The following ANAPC10 variants were observed in gnomAD, a reference collection of about 807,000 sequenced individuals.
The protein encoded by ANAPC10 is anaphase promoting complex subunit 10, also known as anaphase-promoting complex subunit 10.
Under a neutral mutation model 22.0 loss-of-function variants are expected in ANAPC10, and 12 were observed. That is an observed-to-expected ratio of 0.55 (90% CI 0.35 to 0.88). The LOEUF (loss-of-function observed/expected upper bound fraction) is 0.88. Among genes scored for constraint, ANAPC10 ranks in the 40% least tolerant of loss-of-function variants. ANAPC10 has a pLI of 0.01. For missense variants in ANAPC10, 188 were observed against 220.9 expected (o/e 0.85, Z 0.94); for synonymous variants, 65 against 69.5 (o/e 0.94, Z 0.32).
At chr4:145,010,436 G>A (rs1361330550) in intron 4 of ANAPC10, among the ~76,000 whole-genome samples, 1 of 152,052 alleles carries the variant, frequency 6.6e-6, no homozygotes, top group African/African-American at 2.4e-5. Flanking sequence ...ATGACCATCG[G>A]TGATAGACTG....
chr4:145,048,326 G>C (rs970409863), intron 4 of ANAPC10, among the ~76,000 whole-genome samples: 17 of 152,064 alleles, frequency 1.1e-4, no homozygotes, highest in Admixed American at 3.9e-4. Context: ...AAAGAAATAT[G>C]CCATAATATG....
At chr4:145,085,867 T>C (rs1746814168) in intron 2 of ANAPC10, among the ~76,000 whole-genome samples, 1 of 141,106 alleles carries the variant, frequency 7.1e-6, no homozygotes, top group Non-Finnish European at 1.6e-5. Flanking sequence ...ATTTTTTTTC[T>C]TTTTTTTTTT....
At chr4:145,053,684 A>G in intron 4 of ANAPC10, 3 of 587,854 alleles carry the variant, frequency 5.1e-6, no homozygotes, top group South Asian at 4.2e-5. Flanking sequence ...AAAAGTATGC[A>G]TTGTCTTTTA....
intron 4 of ANAPC10, among the ~76,000 whole-genome samples, chr4:145,044,470 C>T (rs940221551): frequency 6.6e-6 from 1 of 152,050 alleles, no homozygotes; most frequent in African/African-American, 2.4e-5. Context: ...GCATTTCCTT[C>T]CCCCCAACTC....
chr4:145,063,253 T>C (rs1743176470), intron 4 of ANAPC10, among the ~76,000 whole-genome samples: 1 of 152,112 alleles, frequency 6.6e-6, no homozygotes. Flanking sequence ...TTTCAAAACA[T>C]CATACTGTAC....
intron 4 of ANAPC10, among the ~76,000 whole-genome samples, chr4:145,032,843 A>G (rs1737831110): frequency 6.6e-6 from 1 of 152,222 alleles, no homozygotes; most frequent in African/African-American, 2.4e-5. Context: ...GAAACGGCAG[A>G]GGTTTGTCTT....
At chr4:144,998,527 T>C (rs1189749912) in intron 4 of ANAPC10, among the ~76,000 whole-genome samples, 1 of 152,070 alleles carries the variant, frequency 6.6e-6, no homozygotes, top group Non-Finnish European at 1.5e-5. Context: ...ACTGGGTACA[T>C]AACAAAATGA....
intron 4 of ANAPC10, among the ~76,000 whole-genome samples, chr4:145,003,924 T>C (rs1466048143): frequency 6.6e-6 from 1 of 152,210 alleles, no homozygotes; most frequent in African/African-American, 2.4e-5. Context: ...TGTAAATAGC[T>C]TTGGGCAGTA....
At chr4:145,072,007 A>C (rs971270670) in intron 3 of ANAPC10, among the ~76,000 whole-genome samples, 2 of 151,904 alleles carry the variant, frequency 1.3e-5, no homozygotes, top group Admixed American at 6.6e-5. Context: ...GACAAAAAAA[A>C]CACAAAAAAA....
At chr4:144,998,875 C>T (rs200209460) in intron 4 of ANAPC10, among the ~76,000 whole-genome samples, 2 of 151,854 alleles carry the variant, frequency 1.3e-5, no homozygotes, top group East Asian at 1.9e-4. Context: ...GCTAGCAACA[C>T]TAATAAAGAA....
chr4:145,012,104 A>T (rs1734407394), intron 4 of ANAPC10, among the ~76,000 whole-genome samples: 1 of 151,730 alleles, frequency 6.6e-6, no homozygotes, highest in Admixed American at 6.6e-5. Flanking sequence ...AAAAGAAAAC[A>T]TCACCTAGAG....
chr4:145,004,383 A>AT (rs1266956225), intron 4 of ANAPC10, among the ~76,000 whole-genome samples: 2 of 152,168 alleles, frequency 1.3e-5, no homozygotes, highest in African/African-American at 4.8e-5. Context: ...ACTATGCTGA[A>AT]TAGGAGTGGT....
intron 3 of ANAPC10, among the ~76,000 whole-genome samples, chr4:145,080,763 C>T (rs759120009): frequency 1.3e-5 from 2 of 151,812 alleles, no homozygotes; most frequent in African/African-American, 2.4e-5. Context: ...CAAAATTAGC[C>T]GGGCGTGGTG....
At chr4:145,084,510 G>T (rs1451721306) in intron 2 of ANAPC10, among the ~76,000 whole-genome samples, 1 of 151,854 alleles carries the variant, frequency 6.6e-6, no homozygotes, top group Non-Finnish European at 1.5e-5. Context: ...GGCTTCCCTG[G>T]GCCACACTGG....
intron 4 of ANAPC10, among the ~76,000 whole-genome samples, chr4:145,054,277 C>T (rs1283881213): frequency 2.7e-5 from 4 of 150,458 alleles, no homozygotes; most frequent in Non-Finnish European, 5.9e-5. Flanking sequence ...CCACACCAGG[C>T]GCGGTAGCTC....
At chr4:145,064,892 T>C (rs901406789) in intron 3 of ANAPC10, among the ~76,000 whole-genome samples, 200 bp from the exon 4 acceptor site, 1 of 151,906 alleles carries the variant, frequency 6.6e-6, no homozygotes, top group Non-Finnish European at 1.5e-5. Context: ...CCAGATAATA[T>C]GTTAATTATA....
chr4:145,077,722 T>G (rs1745394427), intron 3 of ANAPC10, among the ~76,000 whole-genome samples: 1 of 152,076 alleles, frequency 6.6e-6, no homozygotes, highest in Non-Finnish European at 1.5e-5. Flanking sequence ...GCTCCACATA[T>G]GCAAATCAAT....
intron 4 of ANAPC10, among the ~76,000 whole-genome samples, chr4:145,061,847 C>T (rs1237941868): frequency 6.6e-6 from 1 of 152,110 alleles, no homozygotes; most frequent in African/African-American, 2.4e-5. Flanking sequence ...GTGGCTCAAA[C>T]CTGTAATCTC....
At chr4:145,006,200 A>G (rs1733320311) in intron 4 of ANAPC10, among the ~76,000 whole-genome samples, 4 of 151,860 alleles carry the variant, frequency 2.6e-5, no homozygotes, top group Admixed American at 2.6e-4. Flanking sequence ...CTTTACCATT[A>G]TGTAATGCCC....
Sources: gnomAD v4.1 joint callset for allele counts (sites outside exome capture counted in the v4.1 genomes callset) on GRCh38, gnomAD v4.1.1 for gene constraint, MANE v1.5 for transcripts, NCBI Gene and HGNC (gene_info 2026-07-23, HGNC 2026-07-21) for gene names.